The following COL5A1 variants were observed in gnomAD, a reference collection of about 807,000 sequenced individuals.
COL5A1 encodes collagen type V alpha 1 chain.
In COL5A1, 16 loss-of-function variants were observed where a neutral mutation model predicts 263.7. That is an observed-to-expected ratio of 0.06 (90% CI 0.04 to 0.09). The LOEUF is 0.09. COL5A1 is among the 10% of genes least tolerant of loss of function. The pLI is 1.00. For missense variants in COL5A1, 2,036 were observed against 2,540.5 expected (o/e 0.80, Z 4.27); for synonymous variants, 1,012 against 1,004.5 (o/e 1.01, Z -0.14).
chr9:134,706,041 A>G (rs1833826564), intron 4 of COL5A1, among the ~76,000 whole-genome samples: 1 of 152,202 alleles, frequency 6.6e-6, no homozygotes, highest in Non-Finnish European at 1.5e-5. Context: ...CTCCCCTGGC[A>G]GAGTGCCCCT....
intron 1 of COL5A1, among the ~76,000 whole-genome samples, chr9:134,657,778 A>G (rs1349808220): frequency 1.3e-5 from 2 of 151,774 alleles, no homozygotes; most frequent in Non-Finnish European, 2.9e-5. Flanking sequence ...GGGGTGGGAC[A>G]GGACCTGCCT....
chr9:134,709,276 C>T (rs1220943176), intron 4 of COL5A1: 5 of 259,978 alleles, frequency 1.9e-5, no homozygotes, highest in East Asian at 2.5e-4. Flanking sequence ...GCTGAGGCTT[C>T]GGGGTGGGCT....
intron 18 of COL5A1, among the ~76,000 whole-genome samples, chr9:134,760,619 A>C (rs111163076): frequency 0.034 from 3,813 of 110,624 alleles, 165 homozygotes; most frequent in African/African-American, 0.049. Context: ...GCACACACAC[A>C]CACCCACACA....
chr9:134,798,498 G>T, intron 37 of COL5A1, 37 bp downstream of exon 37: 1 of 1,601,328 alleles, frequency 6.2e-7, no homozygotes, highest in Non-Finnish European at 8.6e-7. Flanking sequence ...TGGCTGGCTG[G>T]CTCTCTGACC....
chr9:134,744,777 A>G (rs762754184), intron 11 of COL5A1, among the ~76,000 whole-genome samples: 1 of 151,808 alleles, frequency 6.6e-6, no homozygotes, highest in African/African-American at 2.4e-5. Flanking sequence ...TCACTCATAC[A>G]TGCACACACA....
At chr9:134,784,943 T>TGG in intron 29 of COL5A1, 46 bp from the exon 30 acceptor site, 2 of 1,255,800 alleles carry the variant, frequency 1.6e-6, no homozygotes, top group Non-Finnish European at 2.3e-6. Context: ...GAGAATAGTG[T>TGG]GTGTGCGGGG....
chr9:134,762,497 T>C (rs1836492052), intron 19 of COL5A1, among the ~76,000 whole-genome samples: 1 of 152,166 alleles, frequency 6.6e-6, no homozygotes, highest in Non-Finnish European at 1.5e-5. Context: ...TTCTCCAGCA[T>C]GGACGCACAG....
chr9:134,650,018 T>C (rs12555243), intron 1 of COL5A1, among the ~76,000 whole-genome samples: 29,616 of 126,028 alleles, frequency 0.23, 3,786 homozygotes, highest in African/African-American at 0.39. Flanking sequence ...GGGAACATCA[T>C]GCACCAGGGC....
At chr9:134,796,938 GTCCCCTCCAAAACCCAC>G (rs1837932660) in intron 36 of COL5A1, 37 bp downstream of exon 36, 2 of 277,756 alleles carry the variant, frequency 7.2e-6, no homozygotes, top group Non-Finnish European at 9.2e-6. Context: ...AGCACTGCCT[GTCCCCTCCAAAACCCAC>G]CTGTCCCCTC....
At chr9:134,749,239 CA>C (rs1835686864) in intron 11 of COL5A1, among the ~76,000 whole-genome samples, 2 of 151,732 alleles carry the variant, frequency 1.3e-5, no homozygotes, top group Non-Finnish European at 2.9e-5. Context: ...TGTCTCAAAA[CA>C]AAACAAAAAA....
chr9:134,829,384 C>T (rs536629524), intron 63 of COL5A1, among the ~76,000 whole-genome samples: 6 of 146,022 alleles, frequency 4.1e-5, no homozygotes, highest in South Asian at 4.4e-4. Context: ...CCGGTCTCCC[C>T]GAGGGCCCAG....
At chr9:134,707,867 C>T (rs1405516941) in intron 4 of COL5A1, among the ~76,000 whole-genome samples, 2 of 152,206 alleles carry the variant, frequency 1.3e-5, no homozygotes, top group Non-Finnish European at 2.9e-5. Flanking sequence ...GAAGCGCAAC[C>T]GTGAAGATGA....
intron 38 of COL5A1, 73 bp downstream of exon 38, chr9:134,802,080 G>A (rs372818182): frequency 1.8e-5 from 26 of 1,450,646 alleles, no homozygotes; most frequent in Middle Eastern, 1.7e-4. Context: ...GTCCCAGCCC[G>A]GGCATCTGTT....
intron 4 of COL5A1, among the ~76,000 whole-genome samples, chr9:134,722,919 G>A (rs1044192956): frequency 6.6e-6 from 1 of 152,158 alleles, no homozygotes; most frequent in African/African-American, 2.4e-5. Flanking sequence ...GTGTCGGGGA[G>A]GGAAGGTGTG....
intron 27 of COL5A1, among the ~76,000 whole-genome samples, chr9:134,776,966 C>G (rs1837076509): frequency 6.6e-6 from 1 of 152,168 alleles, no homozygotes; most frequent in South Asian, 2.1e-4. Context: ...ACCCTGTGAC[C>G]CAGTCAGTCA....
chr9:134,685,016 A>G lies in COL5A1; in HGVS notation c.110-5896A>G, dbSNP rs866961833. Among the ~76,000 whole-genome samples, 377 of 146,246 alleles carry G rather than the reference A, an allele frequency of 2.6e-3. 1 individual carries two copies. The highest frequency in any genetic ancestry group is 4.2e-3 in the South Asian group (19 of 4,556). ...CCACCATCCATCCATTAATTGATCCATCCATCCATCCATCCATTCATCCAT... is the reference window on the plus strand; with the variant it reads ...CCACCATCCATCCATTAATTGATCCGTCCATCCATCCATCCATTCATCCAT... On this transcript the variant is annotated intron_variant, in intron 1 of 65. Coordinates refer to ENST00000371817, the MANE Select transcript of COL5A1 (RefSeq NM_000093.5).
chr9:134,804,418 A>T (rs977557502), intron 39 of COL5A1, among the ~76,000 whole-genome samples: 1 of 152,216 alleles, frequency 6.6e-6, no homozygotes, highest in African/African-American at 2.4e-5. Context: ...TCCTTAAGTG[A>T]TAAGTCCATT....
At position 134,699,210 on chromosome 9, in the gene COL5A1, G is replaced by A. The variant is rs189775549; in HGVS notation, c.278-699G>A. 1.9e-3 allele frequency among the ~76,000 whole-genome samples: 288 copies of A among 152,318 alleles called. 2 individuals carry two copies. Among genetic ancestry groups the A allele is most frequent in the African/African-American group, 6.6e-3 (276 of 41,576 alleles). ...GGAGTGGGCTTAGGTGCTTGTGGCCGGGCCAGCCTGGGTCTGCCTTTTAAT... is the reference window on the plus strand; with the variant it reads ...GGAGTGGGCTTAGGTGCTTGTGGCCAGGCCAGCCTGGGTCTGCCTTTTAAT... On this transcript the variant is annotated intron_variant, in intron 2 of 65. Transcript: ENST00000371817.
At chr9:134,688,934 C>T (rs577783668) in intron 1 of COL5A1, among the ~76,000 whole-genome samples, 3 of 152,262 alleles carry the variant, frequency 2.0e-5, no homozygotes, top group African/African-American at 7.2e-5. Flanking sequence ...TCCTTCAGAG[C>T]CCTGCCCAGG....
Sources: gnomAD v4.1 joint callset for allele counts (sites outside exome capture counted in the v4.1 genomes callset) on GRCh38, gnomAD v4.1.1 for gene constraint, MANE v1.5 for transcripts, NCBI Gene and HGNC (gene_info 2026-07-23, HGNC 2026-07-21) for gene names.